FOXD2: variants seen among roughly 807,000 people sequenced by gnomAD.
FOXD2 encodes the protein forkhead box D2.
In FOXD2, 4 loss-of-function variants were observed where a neutral mutation model predicts 6.4. The ratio of observed to expected loss-of-function variants is 0.62; its 90% CI spans 0.31 to 1.42. FOXD2 has a LOEUF of 1.42. FOXD2 is among the 40% of genes most tolerant of loss of function. The probability of loss-of-function intolerance (pLI) is 0.08; values close to 1 mark genes in which losing one functional copy is unlikely to be tolerated. For missense variants in FOXD2, 709 were observed against 766.8 expected (o/e 0.92, Z 0.89); for synonymous variants, 393 against 373.6 (o/e 1.05, Z -0.60).
Position 47,439,082 on chromosome 1 carries a change from C to T in FOXD2, c.947C>T (p.Ala316Val), listed in dbSNP as rs768925578. Residue 316 changes from alanine to valine, a missense_variant, in exon 1 of 1, where the codon GCC (alanine) becomes GTC (valine). Physicochemically the swap from Ala to Val is moderately conservative, Grantham distance 64. Transcript: ENST00000334793. ...CQLSVPPGRAAAPPPGPPTAS... is the reference protein window; with the variant it reads ...CQLSVPPGRAVAPPPGPPTAS... ...CTGTCGGTACCCCCAGGCCGCGCCG[C>T]CGCGCCTCCACCCGGACCTCCGACG... The T allele has an allele frequency of 1.4e-5, 21 of 1,448,930 alleles. No homozygotes were observed. In the South Asian group the frequency reaches 2.5e-4, roughly 17 times the overall value. The allele number at this position is 1,448,930 out of a possible 1,614,324, so 89.8% of individuals were successfully genotyped here.
rs1484035669 is a variant in FOXD2 at position 47,440,241 on chromosome 1, C to T, written c.*618C>T. The T allele has an allele frequency of 6.0e-6, 1 of 166,702 alleles. No individual in the cohort carries two copies. The highest frequency in any genetic ancestry group is 6.6e-5 in the Admixed American group (1 of 15,228). 10.3% of individuals were successfully genotyped at this position (166,702 alleles called of 1,614,324 possible). A position where few individuals can be genotyped will look rare whatever the true frequency, so the allele number is the denominator to read the frequency against. On this transcript the variant is annotated 3_prime_UTR_variant, in exon 1 of 1. Transcript: ENST00000334793. ...GGGTCTTTATATTCCCTGCAGAAAC[C>T]CTGGATCCCACTCCACTGAGGAAAA... is the stretch of plus-strand genomic sequence containing the variant.
At position 47,438,087 on chromosome 1, in the gene FOXD2, C is replaced by A; in HGVS notation, c.-49C>A. ...AGAGGCAGCGCGGCCGAGCCCGAGC[C>A]GCTGCCGGAGCGGAGCCGGAGAGTG... On this transcript the variant is annotated 5_prime_UTR_variant, in exon 1 of 1. Coordinates refer to ENST00000334793, the MANE Select transcript of FOXD2 (RefSeq NM_004474.4). 5 of 1,332,742 alleles carry A rather than the reference C, an allele frequency of 3.8e-6. No individual in the cohort carries two copies. The highest frequency in any genetic ancestry group is 1.5e-5 in the African/African-American group (1 of 64,916). The allele number at this position is 1,332,742 out of a possible 1,614,324, so 82.6% of individuals were successfully genotyped here. A position where few individuals can be genotyped will look rare whatever the true frequency, so the allele number is the denominator to read the frequency against.
chr1:47,438,274 G>T lies in FOXD2; in HGVS notation c.139G>T (p.Ala47Ser), dbSNP rs1346959232. 6.6e-6 allele frequency: 9 copies of T among 1,354,816 alleles called. No individual in the cohort carries two copies. Among genetic ancestry groups the T allele is most frequent in the Non-Finnish European group, 7.6e-6 (8 of 1,057,266 alleles). The allele number at this position is 1,354,816 out of a possible 1,614,324, so 83.9% of individuals were successfully genotyped here. The change falls in exon 1 of 1, where the codon GCC (alanine) becomes TCC (serine). Residue 47 changes from alanine (A) to serine (S), a missense_variant. Ala to Ser is a moderately conservative substitution (Grantham distance 99, BLOSUM62 1). Transcript: ENST00000334793. The stretch of plus-strand genomic sequence containing the variant: ...GCTCCCAGCTCGCTCCGGGCCCCGC[G>T]CCCCCCGGGACGTGCTCCCCCACGG... The part of the protein sequence containing the change: ...GELPARSGPR[A>S]PRDVLPHGHE...
At position 47,439,604 on chromosome 1, in the gene FOXD2, T is replaced by G; in HGVS notation, c.1469T>G (p.Leu490Arg). The part of the protein sequence containing the change: ...GSRFASKVAG[L>R]SGCHF ...CGGTTTGCCAGCAAAGTCGCCGGCCTTAGTGGCTGCCACTTCTGACCGCAG... is the reference window on the plus strand; with the variant it reads ...CGGTTTGCCAGCAAAGTCGCCGGCCGTAGTGGCTGCCACTTCTGACCGCAG... Residue 490 changes from leucine to arginine, a missense_variant, in exon 1 of 1, where the codon CTT becomes CGT. Around this residue, in one of 5 missense-constraint regions of FOXD2, gnomAD observed 322 missense variants for 313.8 expected, o/e 1.03. Transcript: ENST00000334793. 1 of 1,553,956 alleles carries G rather than the reference T, an allele frequency of 6.4e-7. No homozygotes were observed. The highest frequency in any genetic ancestry group is 8.7e-7 in the Non-Finnish European group (1 of 1,149,362).
rs1204362076 is a variant in FOXD2 at position 47,438,397 on chromosome 1, C to CG, written c.268dup (p.Ala90GlyfsTer402). On this transcript the variant is annotated frameshift_variant, in exon 1 of 1. Transcript: ENST00000334793. LOFTEE classifies it low-confidence loss of function (END_TRUNC). ...CGGCGAGCCCCGCGCTCTGGCGTCCCGGGGGGCGGCGGCCGCAGCGGGGAG... is the reference window on the plus strand; with the variant it reads ...CGGCGAGCCCCGCGCTCTGGCGTCCCGGGGGGGCGGCGGCCGCAGCGGGGAG... 1 of 1,196,114 alleles carries CG rather than the reference C, an allele frequency of 8.4e-7. No individual in the cohort carries two copies. Among genetic ancestry groups the CG allele is most frequent in the Middle Eastern group, 3.3e-4 (1 of 3,046 alleles). 74.1% of individuals were successfully genotyped at this position (1,196,114 alleles called of 1,614,324 possible).
Position 47,439,477 on chromosome 1 carries a change from C to T in FOXD2, c.1342C>T (p.Gln448Ter). The change falls in exon 1 of 1, where the codon CAA becomes TAA. Residue 448 changes from glutamine to a stop codon, truncating the protein, a stop_gained. Coordinates refer to ENST00000334793, the MANE Select transcript of FOXD2 (RefSeq NM_004474.4). LOFTEE classifies it high-confidence loss of function. ...CGCGGCAGCCGCGGGTCCTGGGGGC[C>T]AAGCCCAGGTCTTGGCCATGCTGAC... is the stretch of plus-strand genomic sequence containing the variant. Reference protein sequence around the residue: ...PFAAAAGPGGQAQVLAMLTAP... With the variant: ...PFAAAAGPGG 1 of 1,547,128 alleles carries T rather than the reference C, an allele frequency of 6.5e-7. No homozygotes were observed. The highest frequency in any genetic ancestry group is 8.7e-7 in the Non-Finnish European group (1 of 1,148,540).
Position 47,438,550 on chromosome 1 carries a change from G to A in FOXD2, c.415G>A (p.Ala139Thr), listed in dbSNP as rs1281257916. 6.2e-7 allele frequency: 1 copy of A among 1,613,404 alleles called. No individual in the cohort carries two copies. The highest frequency in any genetic ancestry group is 2.2e-5 in the East Asian group (1 of 44,768). ...CTCGTACATCGCGCTCATCACCATG[G>A]CCATCCTGCAGAGCCCCAAGAAGCG... ...PYSYIALITM[A>T]ILQSPKKRLT... Residue 139 changes from alanine to threonine, a missense_variant, in exon 1 of 1, where the codon GCC becomes ACC. By Grantham distance (58) the Ala-to-Thr change is moderately conservative. This residue lies in a region of FOXD2 where 69 missense variants were observed against 145.6 expected (regional missense o/e 0.47). Transcript: ENST00000334793.
chr1:47,439,009 C>CCGCACT lies in FOXD2; in HGVS notation c.879_880insTCGCAC (p.His293_Ala294insSerHis), dbSNP rs2124083868. 1 of 1,446,462 alleles carries CCGCACT rather than the reference C, an allele frequency of 6.9e-7. No homozygotes were observed. Among genetic ancestry groups the CCGCACT allele is most frequent in the Non-Finnish European group, 9.1e-7 (1 of 1,104,664 alleles). 89.6% of individuals were successfully genotyped at this position (1,446,462 alleles called of 1,614,324 possible). ...GCCGGCCCCGCATCCGCACCCGCAC[C>CCGCACT]CGCACGCCTTCGCTTTCGCCGCGGC... On this transcript the variant is annotated inframe_insertion, in exon 1 of 1. Coordinates refer to ENST00000334793, the MANE Select transcript of FOXD2 (RefSeq NM_004474.4).
rs1475162071 is a variant in FOXD2, at chr1:47,439,175, C to T, written c.1040C>T (p.Pro347Leu). The change falls in exon 1 of 1, where the codon CCG becomes CTG. Residue 347 changes from proline to leucine, a missense_variant. Pro to Leu is a moderately conservative substitution (Grantham distance 98, BLOSUM62 -3). This residue lies in a region of FOXD2 where 322 missense variants were observed against 313.8 expected (regional missense o/e 1.03). Transcript: ENST00000334793. ...CCTGCCTCAGGCTCGGGCCCGGGCCCGGGCCCCGCAGGCCTGCCCGCCTTC... is the reference window on the plus strand; with the variant it reads ...CCTGCCTCAGGCTCGGGCCCGGGCCTGGGCCCCGCAGGCCTGCCCGCCTTC... ...PAPASGSGPGPGPAGLPAFLG... is the reference protein window; with the variant it reads ...PAPASGSGPGLGPAGLPAFLG... The T allele has an allele frequency of 2.8e-6, 4 of 1,439,336 alleles. No individual in the cohort carries two copies. The highest frequency in any genetic ancestry group is 3.0e-5 in the East Asian group (1 of 32,926). The allele number at this position is 1,439,336 out of a possible 1,614,324, so 89.2% of individuals were successfully genotyped here.
At position 47,439,574 on chromosome 1, in the gene FOXD2, G is replaced by C; in HGVS notation, c.1439G>C (p.Gly480Ala). The C allele has an allele frequency of 1.3e-6, 2 of 1,558,006 alleles. No homozygotes were observed. The highest frequency in any genetic ancestry group is 1.7e-6 in the Non-Finnish European group (2 of 1,151,624). ...CCCGGGGACGCGCTGCTGTCCTCAG[G>C]GTCCCGGTTTGCCAGCAAAGTCGCC... ...SHPGDALLSS[G>A]SRFASKVAGL... The change falls in exon 1 of 1, where the codon GGG (glycine) becomes GCG (alanine). Residue 480 changes from glycine (G) to alanine (A), a missense_variant. Physicochemically the swap from Gly to Ala is moderately conservative, Grantham distance 60. Around this residue, in one of 5 missense-constraint regions of FOXD2, gnomAD observed 322 missense variants for 313.8 expected, o/e 1.03. Coordinates refer to ENST00000334793, the MANE Select transcript of FOXD2 (RefSeq NM_004474.4).
In FOXD2 at chr1:47,438,100, G is replaced by C; in HGVS notation, c.-36G>C. 2.2e-6 allele frequency: 3 copies of C among 1,377,404 alleles called. No individual in the cohort carries two copies. The East Asian group carries it at 9.2e-5, about 42-fold the overall frequency. The allele number at this position is 1,377,404 out of a possible 1,614,324, so 85.3% of individuals were successfully genotyped here. A position where few individuals can be genotyped will look rare whatever the true frequency, so the allele number is the denominator to read the frequency against. On this transcript the variant is annotated 5_prime_UTR_variant, in exon 1 of 1. Coordinates refer to ENST00000334793, the MANE Select transcript of FOXD2 (RefSeq NM_004474.4). ...CCGAGCCCGAGCCGCTGCCGGAGCG[G>C]AGCCGGAGAGTGGCGGCGGCGGCGG...
Position 47,439,363 on chromosome 1 carries a change from C to T in FOXD2, c.1228C>T (p.Pro410Ser). The change falls in exon 1 of 1, where the codon CCT becomes TCT. Residue 410 changes from proline (P) to serine (S), a missense_variant. Transcript: ENST00000334793. ...GGGGAGAGQR[P>S]SFSIDHIMGH... is the part of the protein sequence containing the mutation. ...CGGGGGCGCCGGGGCAGGGCAGAGG[C>T]CTTCCTTCTCTATAGACCACATCAT... is the stretch of plus-strand genomic sequence containing the variant. The T allele has an allele frequency of 6.6e-7, 1 of 1,513,988 alleles. No individual in the cohort carries two copies. The highest frequency in any genetic ancestry group is 8.7e-7 in the Non-Finnish European group (1 of 1,144,716). The allele number at this position is 1,513,988 out of a possible 1,614,324, so 93.8% of individuals were successfully genotyped here. A position where few individuals can be genotyped will look rare whatever the true frequency, so the allele number is the denominator to read the frequency against.
Position 47,438,844 on chromosome 1 carries a change from C to T in FOXD2, c.709C>T (p.Pro237Ser). 6.2e-7 allele frequency: 1 copy of T among 1,609,916 alleles called. No homozygotes were observed. Among genetic ancestry groups the T allele is most frequent in the African/African-American group, 1.3e-5 (1 of 74,738 alleles). ...PLPPPHPHPH[P>S]HPELLLRGGA... is the part of the protein sequence containing the mutation. ...GCCGCCGCCGCACCCACACCCGCAC[C>T]CTCACCCGGAGCTGCTGCTGCGTGG... The change falls in exon 1 of 1, where the codon CCT becomes TCT. Residue 237 changes from proline (P) to serine (S), a missense_variant. This residue lies in a region of FOXD2 where 98 missense variants were observed against 91.0 expected (regional missense o/e 1.08). Transcript: ENST00000334793.
rs750703408 is a variant in FOXD2, at chr1:47,439,095, C to T, written c.960C>T (p.Pro320=). ...VPPGRAAAPP[P]GPPTASVFAG... Reference sequence around the variant, plus strand: ...CAGGCCGCGCCGCCGCGCCTCCACCCGGACCTCCGACGGCCTCGGTGTTCG... The same window carrying T: ...CAGGCCGCGCCGCCGCGCCTCCACCTGGACCTCCGACGGCCTCGGTGTTCG... Residue 320 remains proline, a synonymous_variant, in exon 1 of 1, where the codon CCC becomes CCT. Transcript: ENST00000334793. 5 of 1,456,558 alleles carry T rather than the reference C, an allele frequency of 3.4e-6. No individual in the cohort carries two copies. In the African/African-American group the frequency reaches 4.4e-5, roughly 13 times the overall value. The allele number at this position is 1,456,558 out of a possible 1,614,324, so 90.2% of individuals were successfully genotyped here. A position where few individuals can be genotyped will look rare whatever the true frequency, so the allele number is the denominator to read the frequency against.
Position 47,438,944 on chromosome 1 carries a change from A to C in FOXD2, c.809A>C (p.Tyr270Ser). The C allele has an allele frequency of 6.6e-7, 1 of 1,525,424 alleles. No individual in the cohort carries two copies. Among genetic ancestry groups the C allele is most frequent in the Non-Finnish European group, 8.8e-7 (1 of 1,138,364 alleles). 94.5% of individuals were successfully genotyped at this position (1,525,424 alleles called of 1,614,324 possible). A position where few individuals can be genotyped will look rare whatever the true frequency, so the allele number is the denominator to read the frequency against. Residue 270 changes from tyrosine (Y) to serine (S), a missense_variant, in exon 1 of 1, where the codon TAC becomes TCC. Physicochemically the swap from Tyr to Ser is moderately radical, Grantham distance 144. Coordinates refer to ENST00000334793, the MANE Select transcript of FOXD2 (RefSeq NM_004474.4). ...FAAYGAYGYG[Y>S]GLALPAYGAP... ...GCCTACGGCGCCTACGGCTACGGCT[A>C]CGGGCTGGCTCTCCCGGCCTACGGC...
Position 47,439,597 on chromosome 1 carries a change from G to C in FOXD2, c.1462G>C (p.Ala488Pro). Residue 488 changes from alanine (A) to proline (P), a missense_variant, in exon 1 of 1, where the codon GCC becomes CCC. Coordinates refer to ENST00000334793, the MANE Select transcript of FOXD2 (RefSeq NM_004474.4). ...AGGGTCCCGGTTTGCCAGCAAAGTC[G>C]CCGGCCTTAGTGGCTGCCACTTCTG... ...SSGSRFASKV[A>P]GLSGCHF 7 of 1,555,016 alleles carry C rather than the reference G, an allele frequency of 4.5e-6. No individual in the cohort carries two copies. The highest frequency in any genetic ancestry group is 6.1e-6 in the Non-Finnish European group (7 of 1,149,972).
In FOXD2 at chr1:47,438,973, C is replaced by A. The variant is rs745710881; in HGVS notation, c.838C>A (p.Pro280Thr). The A allele has an allele frequency of 4.1e-6, 6 of 1,456,166 alleles. No individual in the cohort carries two copies. The South Asian group carries it at 6.6e-5, about 16-fold the overall frequency. The allele number at this position is 1,456,166 out of a possible 1,614,324, so 90.2% of individuals were successfully genotyped here. A position where few individuals can be genotyped will look rare whatever the true frequency, so the allele number is the denominator to read the frequency against. Residue 280 changes from proline to threonine, a missense_variant, in exon 1 of 1, where the codon CCC (proline) becomes ACC (threonine). Coordinates refer to ENST00000334793, the MANE Select transcript of FOXD2 (RefSeq NM_004474.4). ...YGLALPAYGA[P>T]PPGPAPHPHP... ...GCTGGCTCTCCCGGCCTACGGCGCA[C>A]CCCCGCCGGGGCCGGCCCCGCATCC...
In FOXD2 at chr1:47,438,828, G is replaced by C. The variant is rs777449588; in HGVS notation, c.693G>C (p.Pro231=). The change falls in exon 1 of 1, where the codon CCG becomes CCC. Residue 231 remains proline (P), a synonymous_variant. Coordinates refer to ENST00000334793, the MANE Select transcript of FOXD2 (RefSeq NM_004474.4). The part of the protein sequence containing the change: ...KRFKRQPLPP[P]HPHPHPHPEL... ...TCAAGCGGCAGCCCCTGCCGCCGCC[G>C]CACCCACACCCGCACCCTCACCCGG... The C allele has an allele frequency of 1.2e-6, 2 of 1,611,570 alleles. No homozygotes were observed. Among genetic ancestry groups the C allele is most frequent in the Non-Finnish European group, 1.7e-6 (2 of 1,179,336 alleles).
rs1363921940 is a variant in FOXD2, at chr1:47,438,468, G to A, written c.333G>A (p.Gly111=). ...AAAARGAAGP[G]PGPPSGGAAT... ...CGGCCCGCGGCGCAGCGGGGCCCGG[G>A]CCGGGACCGCCGTCGGGGGGCGCGG... is the stretch of plus-strand genomic sequence containing the variant. The change falls in exon 1 of 1, where the codon GGG becomes GGA. Residue 111 remains glycine (G), a synonymous_variant. Coordinates refer to ENST00000334793, the MANE Select transcript of FOXD2 (RefSeq NM_004474.4). 2.7e-6 allele frequency: 4 copies of A among 1,492,152 alleles called. No homozygotes were observed. Among genetic ancestry groups the A allele is most frequent in the Non-Finnish European group, 3.6e-6 (4 of 1,115,008 alleles). The allele number at this position is 1,492,152 out of a possible 1,614,324, so 92.4% of individuals were successfully genotyped here. A position where few individuals can be genotyped will look rare whatever the true frequency, so the allele number is the denominator to read the frequency against.
Sources: gnomAD v4.1 joint callset for allele counts on GRCh38, gnomAD v4.1.1 for gene constraint, gnomAD v4.1.1 regional missense constraint, MANE v1.5 for transcripts, NCBI Gene and HGNC (gene_info 2026-07-23, HGNC 2026-07-21) for gene names.